Variants in CTDSP1 observed in about 807,000 individuals in gnomAD.
The protein encoded by CTDSP1 is CTD small phosphatase 1.
In CTDSP1, 15 loss-of-function variants were observed where a neutral mutation model predicts 32.5. The ratio of observed to expected loss-of-function variants is 0.46; its 90% CI spans 0.31 to 0.71. CTDSP1 has a LOEUF of 0.71. Ranked by LOEUF, CTDSP1 falls within the 30% of genes least tolerant of loss-of-function variation. The probability of loss-of-function intolerance (pLI) is 0.05; values close to 1 mark genes in which losing one functional copy is unlikely to be tolerated. For missense variants in CTDSP1, 294 were observed against 351.1 expected, an observed-to-expected ratio of 0.84 and a Z score of 1.30; for synonymous variants, 185 against 145.4, an observed-to-expected ratio of 1.27 and a Z score of -1.96.
intron 2 of CTDSP1, 98 bp downstream of exon 2, chr2:218,401,810 C>T: frequency 8.1e-7 from 1 of 1,230,192 alleles, no homozygotes; most frequent in Non-Finnish European, 1.1e-6. Flanking sequence ...GATGGACTTG[C>T]AGACCTGAAA....
intron 1 of CTDSP1, chr2:218,401,362 G>A (rs1697127956): frequency 3.3e-6 from 2 of 608,850 alleles, no homozygotes; most frequent in South Asian, 2.0e-5. Context: ...AGACCTATTT[G>A]TCTGGGAGCT....
At position 218,404,478 on chromosome 2, in the gene CTDSP1, C is replaced by T; in HGVS notation, c.*53C>T. The T allele has an allele frequency of 1.9e-6, 3 of 1,601,312 alleles. No individual in the cohort carries two copies. Among genetic ancestry groups the T allele is most frequent in the South Asian group, 1.1e-5 (1 of 90,500 alleles). Reference sequence around the variant, plus strand: ...CTGACCAATGATACCCACACCTCCTCCCAGGAAGACTGCCCAGGCCTTTGT... The same window carrying T: ...CTGACCAATGATACCCACACCTCCTTCCAGGAAGACTGCCCAGGCCTTTGT... On this transcript the variant is annotated 3_prime_UTR_variant, in exon 7 of 7. Transcript: ENST00000273062.
intron 1 of CTDSP1, chr2:218,400,515 G>A (rs1206993120): frequency 2.6e-6 from 1 of 391,920 alleles, no homozygotes; most frequent in East Asian, 6.1e-5. Flanking sequence ...GGCGCCTATG[G>A]GCCACCCGCT....
chr2:218,401,675 C>T lies in CTDSP1; in HGVS notation c.179C>T (p.Ala60Val), dbSNP rs754228370. Reference protein sequence around the residue: ...DGEALPAHSGAPLLVEENGAI... With the variant: ...DGEALPAHSGVPLLVEENGAI... ...GAGGCCCTGCCTGCTCACAGCGGGGCGCCCCTGCTTGTGGAGGAGAATGGC... is the reference window on the plus strand; with the variant it reads ...GAGGCCCTGCCTGCTCACAGCGGGGTGCCCCTGCTTGTGGAGGAGAATGGC... The change falls in exon 2 of 7, where the codon GCG becomes GTG. Residue 60 changes from alanine to valine, a missense_variant. By Grantham distance (64) the Ala-to-Val change is moderately conservative. This residue lies in a region of CTDSP1 where 148 missense variants were observed against 113.3 expected (regional missense o/e 1.31). Transcript: ENST00000273062. 1.1e-5 allele frequency: 18 copies of T among 1,602,810 alleles called. No individual in the cohort carries two copies. Among genetic ancestry groups the T allele is most frequent in the East Asian group, 2.2e-5 (1 of 44,756 alleles).
upstream of CTDSP1, chr2:218,399,751 A>G (rs1042154261): frequency 2.2e-5 from 23 of 1,025,094 alleles, no homozygotes; most frequent in Non-Finnish European, 2.3e-5. Context: ...CCCGCCTCCC[A>G]GTCCGCCTAG....
rs773485560 is a variant in CTDSP1, at chr2:218,402,256, G to T, written c.321+41G>T. Reference sequence around the variant, plus strand: ...CAGCCCTCAGCCCGGGTCTCGGGGGGCATCCCCCACCCTGGCCTGGGAGGG... The same window carrying T: ...CAGCCCTCAGCCCGGGTCTCGGGGGTCATCCCCCACCCTGGCCTGGGAGGG... On this transcript the variant is annotated intron_variant, in intron 3 of 6. Coordinates refer to ENST00000273062, the MANE Select transcript of CTDSP1 (RefSeq NM_021198.3). The T allele has an allele frequency of 8.7e-6, 14 of 1,607,538 alleles. 1 individual carries two copies. In the South Asian group the frequency reaches 1.5e-4, roughly 18 times the overall value.
At position 218,401,321 on chromosome 2, in the gene CTDSP1, C is replaced by G. The variant is rs963839270; in HGVS notation, c.68-243C>G. 5.6e-5 allele frequency: 32 copies of G among 568,426 alleles called. No individual in the cohort carries two copies. The Admixed American group carries it at 9.6e-4, about 17-fold the overall frequency. 35.2% of individuals were successfully genotyped at this position (568,426 alleles called of 1,614,324 possible). ...CCAGGACCTCCTTCTCCAGGCCACGCACTCCCTATGTGGGCGCCTTAATAC... is the reference window on the plus strand; with the variant it reads ...CCAGGACCTCCTTCTCCAGGCCACGGACTCCCTATGTGGGCGCCTTAATAC... On this transcript the variant is annotated intron_variant, in intron 1 of 6. Transcript: ENST00000273062.
intron 1 of CTDSP1, chr2:218,400,613 G>T: frequency 2.5e-6 from 1 of 396,398 alleles, no homozygotes; most frequent in Non-Finnish European, 5.1e-6. Context: ...CAGCAGGCTG[G>T]GGAGGCTTGG....
At chr2:218,400,298 C>T in intron 1 of CTDSP1, 141 bp downstream of exon 1, 1 of 807,632 alleles carries the variant, frequency 1.2e-6, no homozygotes, top group South Asian at 1.5e-5. Flanking sequence ...CGAGAGGGAG[C>T]AGGGAGAGAG....
chr2:218,401,285 G>C (rs1031252116), intron 1 of CTDSP1: 5 of 518,158 alleles, frequency 9.6e-6, no homozygotes, highest in Non-Finnish European at 1.7e-5. Flanking sequence ...GAGAGGCAGG[G>C]AGAGAGCACC....
upstream of CTDSP1, chr2:218,398,719 G>A (rs1169182377): frequency 9.5e-6 from 3 of 316,864 alleles, no homozygotes; most frequent in Admixed American, 5.0e-5. Context: ...GAGGGGGAGG[G>A]GAGGAAGTGC....
chr2:218,402,809 G>T, intron 4 of CTDSP1: 1 of 693,980 alleles, frequency 1.4e-6, no homozygotes, highest in East Asian at 2.7e-5. Flanking sequence ...GGGAATTAGG[G>T]ACCTCGTGAG....
chr2:218,401,771 G>A (rs1697156678), intron 2 of CTDSP1, 59 bp downstream of exon 2: 3 of 1,453,396 alleles, frequency 2.1e-6, no homozygotes, highest in Non-Finnish European at 1.8e-6. Flanking sequence ...AGGGCTTTAG[G>A]GGAAGGGGCT....
Position 218,404,664 on chromosome 2 carries a change from G to T in CTDSP1, c.*239G>T. 1 of 470,012 alleles carries T rather than the reference G, an allele frequency of 2.1e-6. No individual in the cohort carries two copies. Among genetic ancestry groups the T allele is most frequent in the Non-Finnish European group, 3.8e-6 (1 of 266,096 alleles). The allele number at this position is 470,012 out of a possible 1,614,324, so 29.1% of individuals were successfully genotyped here. A position where few individuals can be genotyped will look rare whatever the true frequency, so the allele number is the denominator to read the frequency against. ...CAAACCTCCTCCCCTATTCTCAGGG[G>T]ACCTGGGGGGCCCTGCCTGCTGCTC... On this transcript the variant is annotated 3_prime_UTR_variant, in exon 7 of 7. Transcript: ENST00000273062.
At chr2:218,398,405 GA>G (rs1281438303), upstream of CTDSP1, 5 of 1,535,360 alleles carry the variant, frequency 3.3e-6, no homozygotes, top group African/African-American at 6.8e-5. Flanking sequence ...TCACGGTGAT[GA>G]AGCGCAATGG....
Position 218,402,168 on chromosome 2 carries a change from T to C in CTDSP1, c.274T>C (p.Cys92Arg), listed in dbSNP as rs751754736. ...EAKAQDSDKI[C>R]VVIDLDETLV... ...CAAGGCCCAGGACTCAGACAAGATC[T>C]GCGTGGTCATCGACCTGGACGAGAC... Residue 92 changes from cysteine to arginine, a missense_variant, in exon 3 of 7, where the codon TGC becomes CGC. Around this residue, in one of 2 missense-constraint regions of CTDSP1, gnomAD observed 146 missense variants for 237.7 expected, o/e 0.61. Coordinates refer to ENST00000273062, the MANE Select transcript of CTDSP1 (RefSeq NM_021198.3). 1 of 1,613,698 alleles carries C rather than the reference T, an allele frequency of 6.2e-7. No individual in the cohort carries two copies. Among genetic ancestry groups the C allele is most frequent in the Non-Finnish European group, 8.5e-7 (1 of 1,179,974 alleles).
chr2:218,397,801 T>TA (rs1165270757), upstream of CTDSP1, among the ~76,000 whole-genome samples: 2 of 152,068 alleles, frequency 1.3e-5, no homozygotes, highest in African/African-American at 4.8e-5. Flanking sequence ...CGTAACTAAC[T>TA]ACCCGCCCCA....
chr2:218,403,222 C>T lies in CTDSP1; in HGVS notation c.472-10C>T, dbSNP rs759916914. 1.9e-6 allele frequency: 3 copies of T among 1,611,558 alleles called. No individual in the cohort carries two copies. The highest frequency in any genetic ancestry group is 1.7e-6 in the Non-Finnish European group (2 of 1,178,244). ...TGCGGGCCCCAGGATGACCCACCTC[C>T]TGCTCCCAGTACGCAGACCCAGTAG... On this transcript the variant is annotated splice_polypyrimidine_tract_variant and intron_variant, in intron 5 of 6. Transcript: ENST00000273062.
upstream of CTDSP1, chr2:218,398,685 G>T: frequency 6.0e-6 from 2 of 335,118 alleles, no homozygotes; most frequent in Admixed American, 4.9e-5. Context: ...CGCCCGCCCC[G>T]CCCCGCCACG....
Sources: gnomAD v4.1 joint callset for allele counts (sites outside exome capture counted in the v4.1 genomes callset) on GRCh38, gnomAD v4.1.1 for gene constraint, gnomAD v4.1.1 regional missense constraint, MANE v1.5 for transcripts, NCBI Gene and HGNC (gene_info 2026-07-23, HGNC 2026-07-21) for gene names.